GADL1: variants seen among roughly 807,000 people sequenced by gnomAD.
GADL1 encodes the protein GAD like acidic amino acid decarboxylase 1, also known as acidic amino acid decarboxylase GADL1.
A neutral mutation model predicts 69.5 loss-of-function variants in GADL1; 71 were observed. The observed-to-expected ratio is 1.02, with a 90% CI of 0.84 to 1.25. GADL1 has a LOEUF of 1.25. Ranked by LOEUF, GADL1 falls within the 50% of genes most tolerant of loss-of-function variation. The probability of loss-of-function intolerance (pLI) is 0.00; values close to 1 mark genes in which losing one functional copy is unlikely to be tolerated. For missense variants in GADL1, 737 were observed against 631.8 expected (o/e 1.17, Z -1.79); for synonymous variants, 254 against 214.4 (o/e 1.18, Z -1.62).
At chr3:30,756,726 G>GT (rs1695982541) in intron 14 of GADL1, among the ~76,000 whole-genome samples, 1 of 152,094 alleles carries the variant, frequency 6.6e-6, no homozygotes, top group South Asian at 2.1e-4. Flanking sequence ...TGTCCCAGAT[G>GT]AGGCCATCCT....
Position 30,728,008 on chromosome 3 carries a change from T to G in GADL1, c.*234A>C. The G allele has an allele frequency of 2.4e-6, 1 of 410,196 alleles. No homozygotes were observed. The highest frequency in any genetic ancestry group is 4.4e-6 in the Non-Finnish European group (1 of 227,306). 25.4% of individuals were successfully genotyped at this position (410,196 alleles called of 1,614,324 possible). A position where few individuals can be genotyped will look rare whatever the true frequency, so the allele number is the denominator to read the frequency against. On this transcript the variant is annotated 3_prime_UTR_variant, in exon 15 of 15. Transcript: ENST00000282538. Reference sequence around the variant, plus strand: ...CTTCAGAGCTGTGTTCCAGGGGCATTCCTTGAGAAAATCATTTTTTTTTTT... The same window carrying G: ...CTTCAGAGCTGTGTTCCAGGGGCATGCCTTGAGAAAATCATTTTTTTTTTT...
At chr3:30,810,067 G>A (rs1443493420) in intron 11 of GADL1, among the ~76,000 whole-genome samples, 4 of 152,124 alleles carry the variant, frequency 2.6e-5, no homozygotes, top group Non-Finnish European at 4.4e-5. Context: ...GTTCTCTTCT[G>A]CCATATAGTG....
chr3:30,776,807 T>TTA (rs906145134), intron 14 of GADL1, among the ~76,000 whole-genome samples: 11 of 152,326 alleles, frequency 7.2e-5, no homozygotes, highest in African/African-American at 2.6e-4. Context: ...CCTCTGCCTG[T>TTA]TACTCTTCTC....
chr3:30,864,359 C>T (rs535207503), intron 1 of GADL1, among the ~76,000 whole-genome samples: 14 of 151,510 alleles, frequency 9.2e-5, no homozygotes, highest in African/African-American at 1.5e-4. Context: ...TCTCTCACCC[C>T]GTTCCGTGTG....
At chr3:30,845,411 C>CA (rs567303551) in intron 6 of GADL1, among the ~76,000 whole-genome samples, 30 of 150,270 alleles carry the variant, frequency 2.0e-4, no homozygotes, top group East Asian at 7.8e-4. Flanking sequence ...ATTATTGTAC[C>CA]AAAAAAAAAT....
At chr3:30,759,735 A>G (rs1696076257) in intron 14 of GADL1, among the ~76,000 whole-genome samples, 1 of 152,140 alleles carries the variant, frequency 6.6e-6, no homozygotes, top group African/African-American at 2.4e-5. Context: ...TAGAAGTAAC[A>G]TTTCCCTGCT....
intron 1 of GADL1, among the ~76,000 whole-genome samples, chr3:30,879,728 C>T (rs191322989): frequency 4.0e-5 from 6 of 151,870 alleles, no homozygotes; most frequent in African/African-American, 1.5e-4. Flanking sequence ...ACTTTGCCTG[C>T]ATTAAATATT....
chr3:30,800,779 T>C (rs115859615), intron 12 of GADL1, 110 bp downstream of exon 12: 8 of 862,182 alleles, frequency 9.3e-6, no homozygotes, highest in Non-Finnish European at 1.5e-5. Context: ...TTACTTTCCT[T>C]AGGTCTTCCT....
intron 2 of GADL1, 78 bp downstream of exon 2, chr3:30,861,515 C>T (rs1698320231): frequency 5.6e-6 from 6 of 1,065,760 alleles, no homozygotes; most frequent in Admixed American, 5.8e-5. Flanking sequence ...TTCCCATTTG[C>T]TTTCTATTCA....
At chr3:30,866,164 A>G (rs1446075135) in intron 1 of GADL1, among the ~76,000 whole-genome samples, 5 of 152,046 alleles carry the variant, frequency 3.3e-5, no homozygotes, top group African/African-American at 7.2e-5. Flanking sequence ...TATTTATTCA[A>G]TACATAAATG....
chr3:30,819,255 C>T (rs1050384275), intron 11 of GADL1, among the ~76,000 whole-genome samples: 2 of 151,910 alleles, frequency 1.3e-5, no homozygotes, highest in Non-Finnish European at 2.9e-5. Flanking sequence ...CTTCCCTCCC[C>T]AACTCTGAGG....
intron 14 of GADL1, among the ~76,000 whole-genome samples, chr3:30,776,200 C>T (rs540522165): frequency 2.0e-5 from 3 of 152,138 alleles, no homozygotes; most frequent in Non-Finnish European, 4.4e-5. Context: ...CCTGTCAGTC[C>T]AACAGTACTG....
chr3:30,865,257 A>G (rs1459800585), intron 1 of GADL1, among the ~76,000 whole-genome samples: 1 of 150,534 alleles, frequency 6.6e-6, no homozygotes, highest in East Asian at 2.0e-4. Context: ...AGTGACTACC[A>G]TGGGATATAT....
At chr3:30,752,543 C>A (rs1363283768) in intron 14 of GADL1, among the ~76,000 whole-genome samples, 1 of 152,164 alleles carries the variant, frequency 6.6e-6, no homozygotes, top group African/African-American at 2.4e-5. Context: ...TTCTTTAAAT[C>A]ACCATAACCA....
chr3:30,758,142 C>G (rs561073586), intron 14 of GADL1, among the ~76,000 whole-genome samples: 6 of 149,696 alleles, frequency 4.0e-5, no homozygotes, highest in South Asian at 2.1e-4. Flanking sequence ...CCAAACTACT[C>G]TCTCCAACCA....
intron 1 of GADL1, among the ~76,000 whole-genome samples, chr3:30,877,533 C>T (rs958385182): frequency 1.3e-5 from 2 of 151,796 alleles, no homozygotes; most frequent in African/African-American, 4.8e-5. Context: ...ACAGAATATA[C>T]CATGATGAAA....
intron 3 of GADL1, among the ~76,000 whole-genome samples, chr3:30,856,639 G>A (rs546405778): frequency 1.3e-5 from 2 of 151,682 alleles, no homozygotes; most frequent in Non-Finnish European, 2.9e-5. Flanking sequence ...GCATACTCTG[G>A]GCCATCAAGA....
intron 14 of GADL1, among the ~76,000 whole-genome samples, chr3:30,761,904 T>C (rs1368183482): frequency 6.6e-6 from 1 of 152,096 alleles, no homozygotes; most frequent in Non-Finnish European, 1.5e-5. Flanking sequence ...TAATATGAAG[T>C]TTATATGCAT....
At chr3:30,786,302 C>A in intron 13 of GADL1, 53 bp downstream of exon 13, 2 of 1,078,340 alleles carry the variant, frequency 1.9e-6, no homozygotes, top group Non-Finnish European at 2.9e-6. Flanking sequence ...AAAATTACCA[C>A]CTTCATCACT....
Sources: gnomAD v4.1 joint callset for allele counts (sites outside exome capture counted in the v4.1 genomes callset) on GRCh38, gnomAD v4.1.1 for gene constraint, MANE v1.5 for transcripts, NCBI Gene and HGNC (gene_info 2026-07-23, HGNC 2026-07-21) for gene names.